The following POLR3A variants were observed in gnomAD, a reference collection of about 807,000 sequenced individuals.
The protein encoded by POLR3A is DNA-directed RNA polymerase III subunit RPC1.
A neutral mutation model predicts 152.8 loss-of-function variants in POLR3A; 112 were observed. That is an observed-to-expected ratio of 0.73 (90% CI 0.63 to 0.86). The LOEUF is 0.86. Among genes scored for constraint, POLR3A ranks in the 40% least tolerant of loss-of-function variants. The probability of loss-of-function intolerance (pLI) is 0.00; values close to 1 mark genes in which losing one functional copy is unlikely to be tolerated. For synonymous variants in POLR3A, 615 were observed against 652.1 expected, an observed-to-expected ratio of 0.94 and a Z score of 0.87; for missense variants, 1,385 against 1,743.1, an observed-to-expected ratio of 0.79 and a Z score of 3.66.
chr10:78,004,921 A>G (rs1288140606), intron 15 of POLR3A, 33 bp from the exon 16 acceptor site: 3 of 1,594,422 alleles, frequency 1.9e-6, no homozygotes, highest in Non-Finnish European at 2.6e-6. Context: ...AGAAAGGGCC[A>G]TAAATGAGAC....
Position 78,025,721 on chromosome 10 carries a change from C to T in POLR3A, c.219G>A (p.Gly73=). ...GGCCTAGACAGTCAGCCAAGTTTTTCCCACAGGTTTCACATGGACGATCCT... is the reference window on the plus strand; with the variant it reads ...GGCCTAGACAGTCAGCCAAGTTTTTTCCACAGGTTTCACATGGACGATCCT... The part of the protein sequence containing the change: ...SEKDRPCETC[G]KNLADCLGHY... Residue 73 remains glycine, a synonymous_variant, in exon 3 of 31, where the codon GGG becomes GGA. Coordinates refer to ENST00000372371, the MANE Select transcript of POLR3A (RefSeq NM_007055.4). 1.2e-6 allele frequency: 2 copies of T among 1,614,044 alleles called. No homozygotes were observed. Among genetic ancestry groups the T allele is most frequent in the Non-Finnish European group, 1.7e-6 (2 of 1,179,920 alleles).
chr10:77,997,507 C>G (rs1001718509), intron 19 of POLR3A, among the ~76,000 whole-genome samples: 1 of 152,086 alleles, frequency 6.6e-6, no homozygotes, highest in African/African-American at 2.4e-5. Flanking sequence ...CATTCTTATA[C>G]ACCAATAACA....
In POLR3A at chr10:77,985,223, G is replaced by A; in HGVS notation, c.3189C>T (p.Ile1063=). 1 of 1,614,130 alleles carries A rather than the reference G, an allele frequency of 6.2e-7. No individual in the cohort carries two copies. The highest frequency in any genetic ancestry group is 1.1e-5 in the South Asian group (1 of 91,088). The change falls in exon 24 of 31, where the codon ATC becomes ATT. Residue 1063 remains isoleucine (I), a synonymous_variant. Coordinates refer to ENST00000372371, the MANE Select transcript of POLR3A (RefSeq NM_007055.4). The part of the protein sequence containing the change: ...FHFAGVASMN[I]TLGVPRIKEI... ...CTTTAATCCGGGGCACGCCCAGGGT[G>A]ATGTTCATGGAGGCCACACCTGCAA...
intron 15 of POLR3A, 42 bp downstream of exon 15, chr10:78,007,660 C>A (rs1589312580): frequency 6.4e-7 from 1 of 1,565,970 alleles, no homozygotes; most frequent in East Asian, 2.2e-5. Flanking sequence ...AAGACTCTAA[C>A]AATTGCAGCT....
chr10:77,990,941 A>C, intron 21 of POLR3A, 113 bp downstream of exon 21: 1 of 703,806 alleles, frequency 1.4e-6, no homozygotes, highest in Non-Finnish European at 2.6e-6. Flanking sequence ...ACAAAGGAAC[A>C]ACCCTACCTT....
In POLR3A at chr10:77,976,414, G is replaced by A. The variant is rs1847089731; in HGVS notation, c.*1064C>T. ...CAAAGTGCTGGGATTATAGGTATGA[G>A]CCACAGCACCCAGCCCAAACTACAA... On this transcript the variant is annotated 3_prime_UTR_variant, in exon 31 of 31. Transcript: ENST00000372371. The A allele has an allele frequency of 6.6e-6, 1 of 152,106 alleles. No homozygotes were observed. The highest frequency in any genetic ancestry group is 1.5e-5 in the Non-Finnish European group (1 of 68,052). 9.4% of individuals were successfully genotyped at this position (152,106 alleles called of 1,614,324 possible).
At chr10:78,020,914 GATA>G (rs1274861398) in intron 8 of POLR3A, among the ~76,000 whole-genome samples, 1 of 152,134 alleles carries the variant, frequency 6.6e-6, no homozygotes, top group Non-Finnish European at 1.5e-5. Flanking sequence ...ATTAACTATG[GATA>G]ATGTTTACCA....
chr10:77,980,014 T>C (rs1847124930), intron 30 of POLR3A, 127 bp downstream of exon 30: 5 of 857,774 alleles, frequency 5.8e-6, no homozygotes, highest in African/African-American at 5.5e-5. Context: ...TTCGTGTCTA[T>C]TGACATTATT....
chr10:77,990,276 A>C (rs1245807523), intron 21 of POLR3A, among the ~76,000 whole-genome samples: 3 of 152,244 alleles, frequency 2.0e-5, no homozygotes, highest in Non-Finnish European at 4.4e-5. Flanking sequence ...CCCTGGAAGA[A>C]TAGAAAAGGC....
intron 19 of POLR3A, among the ~76,000 whole-genome samples, chr10:77,998,785 G>A (rs1277974813): frequency 6.6e-6 from 1 of 152,160 alleles, no homozygotes; most frequent in Non-Finnish European, 1.5e-5. Context: ...ATTTGATGCA[G>A]CAATCCCATT....
intron 16 of POLR3A, among the ~76,000 whole-genome samples, chr10:78,003,088 C>G (rs549489235): frequency 6.6e-6 from 1 of 152,322 alleles, no homozygotes; most frequent in Admixed American, 6.5e-5. Context: ...GGTGACTTCA[C>G]AAGAATATTC....
At chr10:77,981,678 G>A (rs1347358513) in intron 28 of POLR3A, 119 bp from the exon 29 acceptor site, 4 of 1,260,128 alleles carry the variant, frequency 3.2e-6, no homozygotes, top group Non-Finnish European at 3.5e-6. Context: ...TCCAGAAATG[G>A]ATTGCTGGGC....
In POLR3A at chr10:77,975,435, G is replaced by C. The variant is rs926293483; in HGVS notation, c.*2043C>G. On this transcript the variant is annotated 3_prime_UTR_variant, in exon 31 of 31. Coordinates refer to ENST00000372371, the MANE Select transcript of POLR3A (RefSeq NM_007055.4). ...TCCAGGAGGAGGACCAGCACCTCCA[G>C]GACGTATGACTTCCCCCCCTACCCA... 6.6e-6 allele frequency: 1 copy of C among 152,278 alleles called. No homozygotes were observed. The highest frequency in any genetic ancestry group is 1.5e-5 in the Non-Finnish European group (1 of 68,102). 9.4% of individuals were successfully genotyped at this position (152,278 alleles called of 1,614,324 possible). A position where few individuals can be genotyped will look rare whatever the true frequency, so the allele number is the denominator to read the frequency against.
At chr10:78,019,550 T>G (rs1169840982) in intron 8 of POLR3A, 1 of 471,860 alleles carries the variant, frequency 2.1e-6, no homozygotes, top group African/African-American at 2.0e-5. Context: ...GCTAGACTGA[T>G]CTATAGGAAC....
chr10:77,986,910 G>A (rs1053620840), intron 21 of POLR3A, among the ~76,000 whole-genome samples: 1 of 152,228 alleles, frequency 6.6e-6, no homozygotes, highest in Non-Finnish European at 1.5e-5. Context: ...ACAGGTGGAA[G>A]ATCAGAGCAG....
chr10:77,985,923 G>A lies in POLR3A; in HGVS notation c.3051C>T (p.Thr1017=). ...CCTACCTCATGTACTTGTCCCTACAGGTCTCCAGAAACTTTTCTACTTGGG... is the reference window on the plus strand; with the variant it reads ...CCTACCTCATGTACTTGTCCCTACAAGTCTCCAGAAACTTTTCTACTTGGG... ...TPTQVEKFLE[T]CRDKYMRAQM... is the part of the protein sequence containing the mutation. The change falls in exon 23 of 31, where the codon ACC becomes ACT. Residue 1017 remains threonine, a synonymous_variant. Transcript: ENST00000372371. 6.2e-7 allele frequency: 1 copy of A among 1,613,884 alleles called. No individual in the cohort carries two copies. The highest frequency in any genetic ancestry group is 8.5e-7 in the Non-Finnish European group (1 of 1,179,802).
chr10:78,012,295 T>C (rs1382030871), intron 11 of POLR3A, among the ~76,000 whole-genome samples: 2 of 150,054 alleles, frequency 1.3e-5, no homozygotes, highest in Admixed American at 6.7e-5. Flanking sequence ...ACCTGGGAGG[T>C]AGAGGTTGCA....
At position 78,013,189 on chromosome 10, in the gene POLR3A, G is replaced by A. The variant is rs542234030; in HGVS notation, c.1572+461C>T. 1.0e-4 allele frequency: 25 copies of A among 244,344 alleles called. No individual in the cohort carries two copies. The South Asian group carries it at 1.2e-3, about 11-fold the overall frequency. 15.1% of individuals were successfully genotyped at this position (244,344 alleles called of 1,614,324 possible). A position where few individuals can be genotyped will look rare whatever the true frequency, so the allele number is the denominator to read the frequency against. On this transcript the variant is annotated intron_variant, in intron 11 of 30. Transcript: ENST00000372371. The stretch of plus-strand genomic sequence containing the variant: ...ATACTGCATCCTCTAAGAAGACGAA[G>A]TATGTAATATAGTTTAGGAAGGTTT...
intron 19 of POLR3A, among the ~76,000 whole-genome samples, chr10:77,995,831 T>A (rs1353827635): frequency 6.6e-6 from 1 of 152,058 alleles, no homozygotes; most frequent in African/African-American, 2.4e-5. Context: ...TCTACAGAAT[T>A]CTCCACCCCA....
Sources: allele counts gnomAD v4.1 joint callset (sites outside exome capture counted in the v4.1 genomes callset), GRCh38; gene constraint gnomAD v4.1.1; transcripts MANE v1.5; gene names NCBI Gene and HGNC (gene_info 2026-07-23, HGNC 2026-07-21).